The following CLASP1 variants were observed in gnomAD, a reference collection of about 807,000 sequenced individuals.
CLASP1 encodes the protein cytoplasmic linker associated protein 1.
Under a neutral mutation model 192.3 loss-of-function variants are expected in CLASP1, and 38 were observed. The observed-to-expected ratio is 0.20, with a 90% CI of 0.15 to 0.26. CLASP1 has a LOEUF of 0.26. Ranked by LOEUF, CLASP1 falls within the 10% of genes least tolerant of loss-of-function variation. The pLI is 1.00. For missense variants in CLASP1, 1,433 were observed against 1,932.5 expected, an observed-to-expected ratio of 0.74 and a Z score of 4.85; for synonymous variants, 691 against 712.8, an observed-to-expected ratio of 0.97 and a Z score of 0.49.
Position 121,408,997 on chromosome 2 carries a change from G to T in CLASP1, c.2425-1282C>A, listed in dbSNP as rs779672364. 26 of 1,545,484 alleles carry T rather than the reference G, an allele frequency of 1.7e-5. No individual in the cohort carries two copies. The African/African-American group carries it at 3.3e-4, about 20-fold the overall frequency. On this transcript the variant is annotated intron_variant, in intron 24 of 39. Coordinates refer to ENST00000263710, the Ensembl canonical transcript of CLASP1. ...TACTTGCAACAGGAGAAATAAAGTT[G>T]TAAAACAAAAGTTAAAGGACTGGTA...
intron 9 of CLASP1, among the ~76,000 whole-genome samples, chr2:121,465,918 G>A (rs1251350679): frequency 6.6e-6 from 1 of 152,118 alleles, no homozygotes; most frequent in African/African-American, 2.4e-5. Context: ...CAAGCAATGG[G>A]GAAAGGATTC....
chr2:121,632,051 C>CAAATA (rs1015336197), intron 1 of CLASP1, among the ~76,000 whole-genome samples: 31 of 151,816 alleles, frequency 2.0e-4, no homozygotes, highest in Admixed American at 1.4e-3. Context: ...CATCTCAAAA[C>CAAATA]AAATAAAATA....
rs147265712 is a variant in CLASP1 at position 121,445,529 on chromosome 2, T to C, written c.1912+1808A>G. ...TTTGGAAAAGGATCATCAGCTTTAA[T>C]GCTACACTTTTGCAAAGATGTCATG... On this transcript the variant is annotated intron_variant, in intron 19 of 39. Transcript: ENST00000263710. 2.9e-3 allele frequency: 3,607 copies of C among 1,241,554 alleles called. 10 individuals carry two copies. Among genetic ancestry groups the C allele is most frequent in the Non-Finnish European group, 3.3e-3 (3,087 of 945,412 alleles). The allele number at this position is 1,241,554 out of a possible 1,614,324, so 76.9% of individuals were successfully genotyped here. A position where few individuals can be genotyped will look rare whatever the true frequency, so the allele number is the denominator to read the frequency against.
intron 8 of CLASP1, among the ~76,000 whole-genome samples, chr2:121,471,760 G>A (rs185224591): frequency 2.0e-5 from 3 of 152,140 alleles, no homozygotes; most frequent in African/African-American, 7.2e-5. Flanking sequence ...CCCCCAGATT[G>A]TCTTGTTATG....
chr2:121,505,175 C>T (rs1442072041), intron 7 of CLASP1: 1 of 152,180 alleles, frequency 6.6e-6, no homozygotes, highest in East Asian at 1.9e-4. Flanking sequence ...CAAGGTATAC[C>T]TCTAGTCTGG....
chr2:121,413,470 T>C (rs554625311), intron 23 of CLASP1, among the ~76,000 whole-genome samples: 6 of 152,256 alleles, frequency 3.9e-5, no homozygotes, highest in South Asian at 2.1e-4. Flanking sequence ...ATCTAACAAA[T>C]TGATGTATTA....
chr2:121,545,109 A>G (rs2095306092), intron 2 of CLASP1, among the ~76,000 whole-genome samples: 1 of 151,888 alleles, frequency 6.6e-6, no homozygotes, highest in Non-Finnish European at 1.5e-5. Flanking sequence ...ACAGGGTTTC[A>G]CTATGTTGGC....
At position 121,606,727 on chromosome 2, in the gene CLASP1, A is replaced by C. The variant is rs572723456; in HGVS notation, c.-285-547T>G. Among the ~76,000 whole-genome samples the C allele has an allele frequency of 3.9e-5, 6 of 152,300 alleles. No homozygotes were observed. In the South Asian group the frequency reaches 1.2e-3, roughly 32 times the overall value. ...TACAATGGAGTAAGTGGTAGCCTCC[A>C]TCTCCTCCTCCCTACAACAAAGAAA... On this transcript the variant is annotated intron_variant, in intron 1 of 39. Coordinates refer to ENST00000263710, the Ensembl canonical transcript of CLASP1.
At chr2:121,392,110 C>A (rs995550655) in intron 30 of CLASP1, among the ~76,000 whole-genome samples, 13 of 152,324 alleles carry the variant, frequency 8.5e-5, no homozygotes, top group African/African-American at 2.9e-4. Context: ...CTTTATACTT[C>A]TAGGTTTCTT....
chr2:121,354,754 A>G (rs868394089), intron 37 of CLASP1, among the ~76,000 whole-genome samples: 5 of 152,228 alleles, frequency 3.3e-5, no homozygotes, highest in Non-Finnish European at 5.9e-5. Context: ...ACAGGAGTCA[A>G]TATCTGAGGT....
intron 37 of CLASP1, among the ~76,000 whole-genome samples, chr2:121,362,578 C>T (rs1558875470): frequency 6.6e-6 from 1 of 152,238 alleles, no homozygotes; most frequent in African/African-American, 2.4e-5. Flanking sequence ...GAGAGAAGCA[C>T]ACTGAACGGC....
chr2:121,451,032 T>C (rs370193297), intron 15 of CLASP1, 42 bp from the exon 16 acceptor site: 1 of 1,304,034 alleles, frequency 7.7e-7, no homozygotes, highest in African/African-American at 1.5e-5. Context: ...CATAAATGTA[T>C]GGTTTGATGC....
chr2:121,533,383 C>T (rs2094949111), intron 2 of CLASP1, among the ~76,000 whole-genome samples: 1 of 152,166 alleles, frequency 6.6e-6, no homozygotes, highest in South Asian at 2.1e-4. Context: ...TGATAATTAA[C>T]TATAAAAACC....
rs536386533 is a variant in CLASP1, at chr2:121,369,937, A to G, written c.3643-2106T>C. Among the ~76,000 whole-genome samples the G allele has an allele frequency of 5.3e-5, 8 of 152,316 alleles. No individual in the cohort carries two copies. In the South Asian group the frequency reaches 1.4e-3, roughly 28 times the overall value. On this transcript the variant is annotated intron_variant, in intron 34 of 39. Transcript: ENST00000263710. ...AAATATAATTTTACTGAGTTCCAAAACATTGTATCAGTTTCCCATGGCACC... is the reference window on the plus strand; with the variant it reads ...AAATATAATTTTACTGAGTTCCAAAGCATTGTATCAGTTTCCCATGGCACC...
intron 2 of CLASP1, chr2:121,530,576 C>A (rs1157577903): frequency 1.9e-6 from 1 of 532,676 alleles, no homozygotes; most frequent in South Asian, 2.7e-5. Context: ...TAGCCAAACC[C>A]GGGTTAGCTG....
intron 8 of CLASP1, among the ~76,000 whole-genome samples, chr2:121,499,223 G>C (rs2093649679): frequency 6.6e-6 from 1 of 152,066 alleles, no homozygotes; most frequent in Non-Finnish European, 1.5e-5. Flanking sequence ...TCACACAATG[G>C]AATCTTGTTC....
intron 30 of CLASP1, 105 bp from the exon 32 acceptor site, chr2:121,388,011 A>G (rs970305403): frequency 2.4e-6 from 2 of 824,858 alleles, no homozygotes; most frequent in Middle Eastern, 3.6e-4. Context: ...CACTAATAAG[A>G]GGGCATTCTA....
chr2:121,386,502 G>C (rs1264229685), intron 32 of CLASP1, among the ~76,000 whole-genome samples: 1 of 152,232 alleles, frequency 6.6e-6, no homozygotes, highest in South Asian at 2.1e-4. Flanking sequence ...GCTCTTGTCA[G>C]ATGGTGAAGT....
At chr2:121,432,821 G>C (rs1344741908) in intron 19 of CLASP1, among the ~76,000 whole-genome samples, 2 of 151,810 alleles carry the variant, frequency 1.3e-5, no homozygotes, top group Non-Finnish European at 2.9e-5. Context: ...ATACAGATTT[G>C]GGGTTATCTA....
Sources: gnomAD v4.1 joint callset for allele counts (sites outside exome capture counted in the v4.1 genomes callset) on GRCh38, gnomAD v4.1.1 for gene constraint, MANE v1.5 for transcripts, NCBI Gene and HGNC (gene_info 2026-07-23, HGNC 2026-07-21) for gene names.